The following USP12 variants were observed in gnomAD, a reference collection of about 807,000 sequenced individuals.
The protein encoded by USP12 is ubiquitin carboxyl-terminal hydrolase 12.
USP12 carries 19 observed loss-of-function variants against 45.5 expected under a neutral mutation model. That is an observed-to-expected ratio of 0.42 (90% CI 0.29 to 0.61). The LOEUF (loss-of-function observed/expected upper bound fraction) is 0.61. USP12 is among the 20% of genes least tolerant of loss of function. The pLI, the probability that USP12 is intolerant of heterozygous loss-of-function variation, is 0.22. For missense variants in USP12, 242 were observed against 447.7 expected (o/e 0.54, Z 4.15); for synonymous variants, 149 against 148.8 (o/e 1.00, Z -0.01).
At position 27,168,877 on chromosome 13, in the gene USP12, A is replaced by C. The variant is rs1000477631; in HGVS notation, c.48+2715T>G. On this transcript the variant is annotated intron_variant, in intron 1 of 8. Transcript: ENST00000282344. ...GTACGTTATTTTGACAAATGAAAAA[A>C]TTATGTACACTTCAGTACTTATAGA... The C allele has an allele frequency of 2.0e-5, 3 of 152,336 alleles. No homozygotes were observed. In the South Asian group the frequency reaches 6.2e-4, roughly 32 times the overall value. The allele number at this position is 152,336 out of a possible 1,614,324, so 9.4% of individuals were successfully genotyped here.
At chr13:27,155,177 G>T (rs1183332034) in intron 1 of USP12, among the ~76,000 whole-genome samples, 1 of 137,854 alleles carries the variant, frequency 7.3e-6, no homozygotes, top group Non-Finnish European at 1.5e-5. Flanking sequence ...CGCCTCCAAG[G>T]TTCAAGCAAT....
intron 3 of USP12, among the ~76,000 whole-genome samples, chr13:27,105,336 T>A (rs1330592650): frequency 2.0e-5 from 3 of 152,064 alleles, no homozygotes; most frequent in African/African-American, 7.2e-5. Flanking sequence ...ATGCTCTCTA[T>A]CTAAGGCTAC....
At chr13:27,102,200 A>G (rs1005953009) in intron 3 of USP12, among the ~76,000 whole-genome samples, 6 of 152,142 alleles carry the variant, frequency 3.9e-5, no homozygotes, top group Non-Finnish European at 8.8e-5. Context: ...AAATGATCCC[A>G]AACAGTCCAG....
At chr13:27,126,773 A>C (rs1876257247) in intron 1 of USP12, among the ~76,000 whole-genome samples, 1 of 152,252 alleles carries the variant, frequency 6.6e-6, no homozygotes. Context: ...TTAAATTTAG[A>C]ACAAATATTT....
At chr13:27,074,490 T>C (rs1327935593) in intron 7 of USP12, among the ~76,000 whole-genome samples, 2 of 152,148 alleles carry the variant, frequency 1.3e-5, no homozygotes, top group Non-Finnish European at 2.9e-5. Flanking sequence ...TAAAACATGC[T>C]GTTAGTACAA....
At chr13:27,106,560 T>C (rs189381148) in intron 2 of USP12, among the ~76,000 whole-genome samples, 44 of 152,298 alleles carry the variant, frequency 2.9e-4, no homozygotes, top group African/African-American at 1.0e-3. Flanking sequence ...GGGAGCACTA[T>C]GAAACTATAA....
chr13:27,111,992 G>T (rs1294299415), intron 2 of USP12, among the ~76,000 whole-genome samples: 1 of 152,018 alleles, frequency 6.6e-6, no homozygotes, highest in Non-Finnish European at 1.5e-5. Flanking sequence ...TTAAATCATG[G>T]TATCCAATTT....
At chr13:27,083,436 G>A (rs1255065284) in intron 6 of USP12, among the ~76,000 whole-genome samples, 2 of 152,048 alleles carry the variant, frequency 1.3e-5, no homozygotes, top group African/African-American at 4.8e-5. Context: ...CTGAGCCTCA[G>A]CCTCCCCCTT....
At chr13:27,133,626 CAAA>C (rs11365356) in intron 1 of USP12, among the ~76,000 whole-genome samples, 55 of 103,358 alleles carry the variant, frequency 5.3e-4, no homozygotes, top group Middle Eastern at 4.8e-3. Context: ...GACTCTGTCT[CAAA>C]AAAAAAAAAA....
intron 2 of USP12, among the ~76,000 whole-genome samples, chr13:27,107,035 A>C (rs933553460): frequency 6.6e-6 from 1 of 152,080 alleles, no homozygotes; most frequent in Admixed American, 6.6e-5. Context: ...AACAACAAAA[A>C]ATCTACTGGC....
chr13:27,128,386 A>G (rs1488586318), intron 1 of USP12, among the ~76,000 whole-genome samples: 1 of 152,238 alleles, frequency 6.6e-6, no homozygotes, highest in East Asian at 1.9e-4. Context: ...GCATAAGAAC[A>G]TACTTGAGTG....
At chr13:27,147,307 C>T (rs973153190) in intron 1 of USP12, among the ~76,000 whole-genome samples, 3 of 152,114 alleles carry the variant, frequency 2.0e-5, no homozygotes, top group Non-Finnish European at 2.9e-5. Context: ...GAATGCATAT[C>T]GCCATTTTAT....
chr13:27,140,546 G>A (rs1365581958), intron 1 of USP12, among the ~76,000 whole-genome samples: 1 of 152,058 alleles, frequency 6.6e-6, no homozygotes, highest in Non-Finnish European at 1.5e-5. Context: ...GCCTAGGTTA[G>A]GCCAAGGACT....
intron 1 of USP12, among the ~76,000 whole-genome samples, chr13:27,158,426 C>A (rs141785016): frequency 6.6e-6 from 1 of 152,184 alleles, no homozygotes. Context: ...CAGGCATGCA[C>A]CACTTAATGA....
chr13:27,142,681 T>C lies in USP12; in HGVS notation c.49-26085A>G, dbSNP rs536610872. Among the ~76,000 whole-genome samples the C allele has an allele frequency of 3.9e-5, 6 of 152,306 alleles. No homozygotes were observed. In the South Asian group the frequency reaches 8.3e-4, roughly 21 times the overall value. On this transcript the variant is annotated intron_variant, in intron 1 of 8. Coordinates refer to ENST00000282344, the MANE Select transcript of USP12 (RefSeq NM_182488.4). ...TATCAAAAAAATTACAGTAGTCAGTTTGGAGGGGCTTCCACTGGCAAAATC... is the reference window on the plus strand; with the variant it reads ...TATCAAAAAAATTACAGTAGTCAGTCTGGAGGGGCTTCCACTGGCAAAATC...
At chr13:27,142,953 C>T (rs543850457) in intron 1 of USP12, among the ~76,000 whole-genome samples, 7 of 151,434 alleles carry the variant, frequency 4.6e-5, no homozygotes, top group South Asian at 4.2e-4. Context: ...ATTAACTGGG[C>T]GTGGTGCCAC....
chr13:27,143,287 G>A (rs1443580987), intron 1 of USP12, among the ~76,000 whole-genome samples: 1 of 151,952 alleles, frequency 6.6e-6, no homozygotes, highest in South Asian at 2.1e-4. Flanking sequence ...CAATAAAGGG[G>A]AAAAACTCAT....
At chr13:27,161,830 C>T (rs913469596) in intron 1 of USP12, among the ~76,000 whole-genome samples, 4 of 151,206 alleles carry the variant, frequency 2.6e-5, no homozygotes, top group African/African-American at 9.7e-5. Flanking sequence ...TTCAATGAGG[C>T]GAGACTGCAC....
chr13:27,111,660 C>T (rs149136492), intron 2 of USP12, among the ~76,000 whole-genome samples: 13 of 152,170 alleles, frequency 8.5e-5, no homozygotes, highest in Admixed American at 5.2e-4. Flanking sequence ...CCATTTTGAG[C>T]GCACATCCCT....
Sources: allele counts gnomAD v4.1 joint callset (sites outside exome capture counted in the v4.1 genomes callset), GRCh38; gene constraint gnomAD v4.1.1; transcripts MANE v1.5; gene names NCBI Gene and HGNC (gene_info 2026-07-23, HGNC 2026-07-21).